The following KIF3B variants were observed in gnomAD, a reference collection of about 807,000 sequenced individuals.
The protein encoded by KIF3B is kinesin-like protein KIF3B.
KIF3B carries 38 observed loss-of-function variants against 74.3 expected under a neutral mutation model. The ratio of observed to expected loss-of-function variants is 0.51; its 90% CI spans 0.39 to 0.67. KIF3B has a LOEUF of 0.67. Among genes scored for constraint, KIF3B ranks in the 30% least tolerant of loss-of-function variants. The pLI, the probability that KIF3B is intolerant of heterozygous loss-of-function variation, is 0.00. For missense variants in KIF3B, 649 were observed against 932.0 expected (o/e 0.70, Z 3.95); for synonymous variants, 326 against 342.5 (o/e 0.95, Z 0.53).
At position 32,310,299 on chromosome 20, in the gene KIF3B, G is replaced by A. The variant is rs770388657; in HGVS notation, c.522G>A (p.Val174=). The A allele has an allele frequency of 3.8e-5, 61 of 1,613,948 alleles. 1 individual carries two copies. The East Asian group carries it at 1.3e-3, about 35-fold the overall frequency. The change falls in exon 2 of 9, where the codon GTG becomes GTA. Residue 174 remains valine (V), a synonymous_variant. Coordinates refer to ENST00000375712, the MANE Select transcript of KIF3B (RefSeq NM_004798.4). This position sits in a 1 kb window ranked among gnomAD's most constrained non-coding sequence, Gnocchi z 6.5. ...TCAAAGAGAGGCCTGACACAGGAGT[G>A]TATGTGAAAGACCTGTCTTCCTTTG... ...LELKERPDTG[V]YVKDLSSFVT... is the part of the protein sequence containing the mutation.
chr20:32,325,381 G>A (rs2047897443), intron 5 of KIF3B, among the ~76,000 whole-genome samples: 1 of 151,878 alleles, frequency 6.6e-6, no homozygotes, highest in Non-Finnish European at 1.5e-5. Flanking sequence ...GTAGAGACAG[G>A]GTTTTGCCAT....
intron 1 of KIF3B, among the ~76,000 whole-genome samples, chr20:32,298,103 G>A (rs368223930): frequency 9.5e-5 from 13 of 136,584 alleles, no homozygotes; most frequent in Admixed American, 6.2e-4. Flanking sequence ...GTAAAACTCC[G>A]TCTCAAAAAA....
chr20:32,294,710 A>T (rs928439911), intron 1 of KIF3B, among the ~76,000 whole-genome samples: 14 of 152,238 alleles, frequency 9.2e-5, no homozygotes, highest in Non-Finnish European at 1.9e-4. Context: ...TTTTATAGCT[A>T]GTAAATGGCA....
At chr20:32,288,325 C>T (rs924458848) in intron 1 of KIF3B, among the ~76,000 whole-genome samples, 13 of 151,990 alleles carry the variant, frequency 8.6e-5, no homozygotes, top group Non-Finnish European at 1.0e-4. Context: ...CCCATCTATA[C>T]AAAACATATG....
intron 5 of KIF3B, among the ~76,000 whole-genome samples, chr20:32,320,520 G>GTTT (rs779283206): frequency 7.4e-6 from 1 of 135,346 alleles, no homozygotes; most frequent in Non-Finnish European, 1.6e-5. Context: ...TGTTTTGTTA[G>GTTT]TTTTTTTTTT....
At chr20:32,312,893 A>G (rs1166286597) in intron 2 of KIF3B, among the ~76,000 whole-genome samples, 2 of 152,212 alleles carry the variant, frequency 1.3e-5, no homozygotes, top group Admixed American at 6.5e-5. Context: ...GCAGCAGGGT[A>G]TCAGTTCTGG....
At chr20:32,324,236 G>A (rs183193264) in intron 5 of KIF3B, among the ~76,000 whole-genome samples, 52 of 152,182 alleles carry the variant, frequency 3.4e-4, no homozygotes, top group African/African-American at 1.1e-3. Flanking sequence ...TCTGAAGCAC[G>A]GGTTCCCAAC....
At chr20:32,288,519 T>G (rs543735724) in intron 1 of KIF3B, among the ~76,000 whole-genome samples, 2 of 152,176 alleles carry the variant, frequency 1.3e-5, no homozygotes, top group African/African-American at 4.8e-5. Context: ...TATTTAGATA[T>G]ATTTTACATA....
At chr20:32,313,111 A>G (rs924484901) in intron 2 of KIF3B, among the ~76,000 whole-genome samples, 1 of 151,832 alleles carries the variant, frequency 6.6e-6, no homozygotes, top group African/African-American at 2.4e-5. Context: ...CATCCATTCC[A>G]TTTTCCACCC....
chr20:32,327,739 C>G, intron 7 of KIF3B, 78 bp downstream of exon 7: 1 of 995,892 alleles, frequency 1.0e-6, no homozygotes, highest in Non-Finnish European at 1.6e-6. Flanking sequence ...TACTATTCCA[C>G]TCAGAGTTCA....
intron 2 of KIF3B, 149 bp downstream of exon 2, chr20:32,311,330 CCT>C (rs1468634564): frequency 1.8e-5 from 14 of 780,182 alleles, no homozygotes. Flanking sequence ...ACTCAGTAAA[CCT>C]CTGTTTAATT....
intron 5 of KIF3B, among the ~76,000 whole-genome samples, chr20:32,325,957 G>A (rs2047902115): frequency 1.3e-5 from 2 of 152,080 alleles, no homozygotes. Context: ...ATGAGCCACC[G>A]TGCCTGGCCT....
At chr20:32,303,786 C>T (rs1485684256) in intron 1 of KIF3B, among the ~76,000 whole-genome samples, 1 of 148,366 alleles carries the variant, frequency 6.7e-6, no homozygotes, top group African/African-American at 2.5e-5. Flanking sequence ...ACCTTGGAGG[C>T]AGAGGTTGCA....
chr20:32,283,483 G>A (rs537154627), intron 1 of KIF3B, among the ~76,000 whole-genome samples: 297 of 150,648 alleles, frequency 2.0e-3, no homozygotes, highest in African/African-American at 6.8e-3. Flanking sequence ...CAGCCTGGGC[G>A]ACAGAGTGAG....
rs571267923 is a variant in KIF3B, at chr20:32,298,041, C to T, written c.-65-11672C>T. 4.9e-4 allele frequency among the ~76,000 whole-genome samples: 73 copies of T among 149,968 alleles called. No individual in the cohort carries two copies. The South Asian group carries it at 0.012, about 25-fold the overall frequency. On this transcript the variant is annotated intron_variant, in intron 1 of 8. Coordinates refer to ENST00000375712, the MANE Select transcript of KIF3B (RefSeq NM_004798.4). Reference sequence around the variant, plus strand: ...GGGAGAATCGCTTGAACCTGGGAGGCGGAGGTTGCAGTGAGCCAAGATCAT... The same window carrying T: ...GGGAGAATCGCTTGAACCTGGGAGGTGGAGGTTGCAGTGAGCCAAGATCAT...
At position 32,311,184 on chromosome 20, in the gene KIF3B, A is replaced by G. The variant is rs1363707849; in HGVS notation, c.1404+3A>G. 7 of 1,603,192 alleles carry G rather than the reference A, an allele frequency of 4.4e-6. No individual in the cohort carries two copies. Among genetic ancestry groups the G allele is most frequent in the Admixed American group, 1.7e-5 (1 of 58,566 alleles). ...AGATGCTGGGCGCCAAGATCAAGGTACCATACCCGTACCCTTCCTTAGGCC... is the reference window on the plus strand; with the variant it reads ...AGATGCTGGGCGCCAAGATCAAGGTGCCATACCCGTACCCTTCCTTAGGCC... On this transcript the variant is annotated splice_donor_region_variant and intron_variant, in intron 2 of 8. Transcript: ENST00000375712.
chr20:32,334,458 A>G lies in KIF3B; in HGVS notation c.*3139A>G, dbSNP rs1324547357. 3 of 152,482 alleles carry G rather than the reference A, an allele frequency of 2.0e-5. No individual in the cohort carries two copies. Among genetic ancestry groups the G allele is most frequent in the African/African-American group, 7.2e-5 (3 of 41,404 alleles). 9.4% of individuals were successfully genotyped at this position (152,482 alleles called of 1,614,324 possible). On this transcript the variant is annotated 3_prime_UTR_variant, in exon 9 of 9. Transcript: ENST00000375712. Reference sequence around the variant, plus strand: ...GACTCTGACAAGTCCTCCCTCACTGAATGTAGAATCGTTGCCAAGTTTCTG... The same window carrying G: ...GACTCTGACAAGTCCTCCCTCACTGGATGTAGAATCGTTGCCAAGTTTCTG...
At chr20:32,331,123 G>T in intron 8 of KIF3B, 100 bp from the exon 9 acceptor site, 3 of 854,040 alleles carry the variant, frequency 3.5e-6, no homozygotes, top group Non-Finnish European at 3.9e-6. Flanking sequence ...GTCGTTTTCA[G>T]GCCATTGAAG....
intron 1 of KIF3B, among the ~76,000 whole-genome samples, chr20:32,299,403 A>ATATATATATATATATATATTTTTT: frequency 1.1e-4 from 1 of 9,026 alleles, no homozygotes; most frequent in Non-Finnish European, 1.7e-4. Context: ...ATATATATAT[A>ATATATATATATATATATATTTTTT]TTTTTTTTTT....
Sources: gnomAD v4.1 joint callset for allele counts (sites outside exome capture counted in the v4.1 genomes callset) on GRCh38, gnomAD v4.1.1 for gene constraint, Gnocchi (gnomAD v3.1) non-coding constraint, MANE v1.5 for transcripts, NCBI Gene and HGNC (gene_info 2026-07-23, HGNC 2026-07-21) for gene names.